SPATA9: variants seen among roughly 807,000 people sequenced by gnomAD.
SPATA9 encodes spermatogenesis associated 9.
A neutral mutation model predicts 25.5 loss-of-function variants in SPATA9; 27 were observed. The observed-to-expected ratio is 1.06, with a 90% CI of 0.78 to 1.46. The LOEUF (loss-of-function observed/expected upper bound fraction) is 1.46. Among genes scored for constraint, SPATA9 ranks in the 40% most tolerant of loss-of-function variants. The probability of loss-of-function intolerance (pLI) is 0.00; values close to 1 mark genes in which losing one functional copy is unlikely to be tolerated. For missense variants in SPATA9, 282 were observed against 297.5 expected, an observed-to-expected ratio of 0.95 and a Z score of 0.38; for synonymous variants, 102 against 105.7, an observed-to-expected ratio of 0.97 and a Z score of 0.21.
chr5:95,716,477 T>G, the SPATA9 span, among the ~76,000 whole-genome samples: 1 of 152,226 alleles, frequency 6.6e-6, no homozygotes, highest in Non-Finnish European at 1.5e-5. Flanking sequence ...ATTTCTCCCA[T>G]TTGAAATAGT....
chr5:95,683,727 C>T (rs552100506), upstream of SPATA9, among the ~76,000 whole-genome samples: 62 of 152,134 alleles, frequency 4.1e-4, no homozygotes, highest in African/African-American at 1.1e-3. Flanking sequence ...TTAGTAGAGA[C>T]GGGGTTTCAC....
At chr5:95,673,132 T>A (rs1294421100) in intron 3 of SPATA9, among the ~76,000 whole-genome samples, 1 of 152,154 alleles carries the variant, frequency 6.6e-6, no homozygotes, top group Non-Finnish European at 1.5e-5. Flanking sequence ...TCTGTATATC[T>A]TTTTGGAGAG....
chr5:95,693,111 G>A (rs919677475), intron 1 of SPATA9, among the ~76,000 whole-genome samples: 15 of 152,214 alleles, frequency 9.9e-5, no homozygotes, highest in African/African-American at 3.6e-4. Context: ...TAGCAACAAT[G>A]TAGAGCTCAG....
chr5:95,720,386 T>C, the SPATA9 span, among the ~76,000 whole-genome samples: 1,076 of 152,324 alleles, frequency 7.1e-3, 12 homozygotes, highest in African/African-American at 0.024. Context: ...TAGCAAAACG[T>C]TGTTGTAATC....
the SPATA9 span, among the ~76,000 whole-genome samples, chr5:95,718,160 T>C: frequency 2.6e-5 from 4 of 151,012 alleles, no homozygotes; most frequent in Non-Finnish European, 2.9e-5. Flanking sequence ...ACTTTCCCTC[T>C]TTTTTTTTCT....
At chr5:95,664,687 GC>G in intron 3 of SPATA9, among the ~76,000 whole-genome samples, 1 of 152,260 alleles carries the variant, frequency 6.6e-6, no homozygotes, top group South Asian at 2.1e-4. Context: ...TGTCTCATGG[GC>G]CACCTTTGTT....
intron 1 of SPATA9, among the ~76,000 whole-genome samples, chr5:95,693,469 G>T (rs1316865557): frequency 6.6e-6 from 1 of 151,972 alleles, no homozygotes; most frequent in African/African-American, 2.4e-5. Context: ...GAAAAAGCAA[G>T]GTACAGAAAA....
At chr5:95,688,532 A>G (rs934601824) in intron 1 of SPATA9, among the ~76,000 whole-genome samples, 4 of 152,176 alleles carry the variant, frequency 2.6e-5, no homozygotes, top group Non-Finnish European at 2.9e-5. Context: ...GATTACAGGT[A>G]TGACCACACC....
At chr5:95,705,667 A>C in the SPATA9 span, among the ~76,000 whole-genome samples, 1 of 152,340 alleles carries the variant, frequency 6.6e-6, no homozygotes, top group African/African-American at 2.4e-5. Context: ...CAACTCTATA[A>C]TGATTATAAA....
At position 95,658,608 on chromosome 5, in the gene SPATA9, C is replaced by A; in HGVS notation, c.*15G>T. 6.2e-7 allele frequency: 1 copy of A among 1,602,640 alleles called. No individual in the cohort carries two copies. Among genetic ancestry groups the A allele is most frequent in the Non-Finnish European group, 8.5e-7 (1 of 1,174,744 alleles). ...AAATAGATAACTCTTAAGTTCTGTT[C>A]AGTGATACCTGTATTCAGATTTGCT... On this transcript the variant is annotated 3_prime_UTR_variant, in exon 5 of 5. Coordinates refer to ENST00000274432, the MANE Select transcript of SPATA9 (RefSeq NM_031952.4).
chr5:95,708,504 C>T, the SPATA9 span: 7 of 691,558 alleles, frequency 1.0e-5, no homozygotes, highest in Admixed American at 4.0e-5. Flanking sequence ...TGGTTGATCC[C>T]CCAAAGTAGG....
At chr5:95,679,572 T>TCA (rs1753242202) in intron 2 of SPATA9, among the ~76,000 whole-genome samples, 1 of 152,166 alleles carries the variant, frequency 6.6e-6, no homozygotes, top group Non-Finnish European at 1.5e-5. Context: ...CACTTTAGTA[T>TCA]CACCCCTCCT....
At chr5:95,718,876 A>G in the SPATA9 span, among the ~76,000 whole-genome samples, 1 of 152,152 alleles carries the variant, frequency 6.6e-6, no homozygotes, top group East Asian at 1.9e-4. Context: ...AGGTCCCAGG[A>G]GAGCACAAGC....
intron 3 of SPATA9, among the ~76,000 whole-genome samples, chr5:95,666,156 A>G (rs1751787491): frequency 6.6e-6 from 1 of 152,206 alleles, no homozygotes; most frequent in Admixed American, 6.5e-5. Flanking sequence ...AGCAGAAAAA[A>G]GAAAAGTAGG....
the SPATA9 span, among the ~76,000 whole-genome samples, chr5:95,709,791 T>C: frequency 2.6e-5 from 4 of 152,208 alleles, no homozygotes; most frequent in Non-Finnish European, 4.4e-5. Context: ...ACTTTTCTTC[T>C]GGCAAGTTTT....
At chr5:95,684,492 A>G (rs1020695391), upstream of SPATA9, 5 of 152,216 alleles carry the variant, frequency 3.3e-5, no homozygotes, top group Admixed American at 2.0e-4. Context: ...AAATTAACAA[A>G]TCTAGAGGAA....
upstream of SPATA9, among the ~76,000 whole-genome samples, chr5:95,700,846 G>A (rs1367283890): frequency 6.6e-6 from 1 of 152,160 alleles, no homozygotes; most frequent in Non-Finnish European, 1.5e-5. Flanking sequence ...TGTGGTATGA[G>A]TGTAGTTCTA....
chr5:95,731,722 A>G, the SPATA9 span: 7 of 1,612,978 alleles, frequency 4.3e-6, no homozygotes, highest in Non-Finnish European at 5.9e-6. Context: ...GTCTCTCTCC[A>G]GCGCGTGCCG....
At chr5:95,710,382 G>T in the SPATA9 span, among the ~76,000 whole-genome samples, 1 of 152,202 alleles carries the variant, frequency 6.6e-6, no homozygotes, top group African/African-American at 2.4e-5. Flanking sequence ...ACATCCATTT[G>T]CCAGAAGCAC....
Sources: gnomAD v4.1 joint callset for allele counts (sites outside exome capture counted in the v4.1 genomes callset) on GRCh38, gnomAD v4.1.1 for gene constraint, MANE v1.5 for transcripts, NCBI Gene and HGNC (gene_info 2026-07-23, HGNC 2026-07-21) for gene names.